Variants in LRMDA observed in about 807,000 individuals in gnomAD.
LRMDA encodes leucine-rich melanocyte differentiation-associated protein.
LRMDA carries 18 observed loss-of-function variants against 29.8 expected under a neutral mutation model. That is an observed-to-expected ratio of 0.60 (90% CI 0.42 to 0.90). LRMDA has a LOEUF of 0.90. Ranked by LOEUF, LRMDA falls within the 40% of genes least tolerant of loss-of-function variation. LRMDA has a pLI of 0.00. For synonymous variants in LRMDA, 125 were observed against 109.4 expected (o/e 1.14, Z -0.89); for missense variants, 273 against 273.9 (o/e 1.00, Z 0.02).
chr10:76,196,084 C>T (rs897553511), intron 5 of LRMDA, among the ~76,000 whole-genome samples: 1 of 152,114 alleles, frequency 6.6e-6, no homozygotes, highest in African/African-American at 2.4e-5. Context: ...ATTGTTGGCC[C>T]GAGGTGAGGC....
intron 5 of LRMDA, among the ~76,000 whole-genome samples, chr10:76,200,049 C>T (rs1281976659): frequency 1.3e-5 from 2 of 152,150 alleles, no homozygotes; most frequent in South Asian, 2.1e-4. Flanking sequence ...GCAGCCTTGA[C>T]CTCCCAGGCT....
intron 2 of LRMDA, among the ~76,000 whole-genome samples, chr10:75,784,100 A>G (rs1442804720): frequency 6.6e-6 from 1 of 152,206 alleles, no homozygotes; most frequent in East Asian, 1.9e-4. Context: ...CTGGGTTCAT[A>G]TGATTAAACT....
At chr10:76,410,298 CTTTTTTTTTTT>C (rs1172213249) in intron 6 of LRMDA, among the ~76,000 whole-genome samples, 6 of 66,544 alleles carry the variant, frequency 9.0e-5, no homozygotes, top group African/African-American at 1.2e-4. Flanking sequence ...CACTTTCTTT[CTTTTTTTTTTT>C]TTTTTTTTTT....
chr10:75,655,322 A>G lies in LRMDA; in HGVS notation c.131+216828A>G, dbSNP rs544148798. Among the ~76,000 whole-genome samples, 25 of 152,358 alleles carry G rather than the reference A, an allele frequency of 1.6e-4. No homozygotes were observed. In the South Asian group the frequency reaches 4.6e-3, roughly 28 times the overall value. ...AAGGATTTTGACATTTCTGAGATACATATCACTTCTAAACAGTGAAGCACA... is the reference window on the plus strand; with the variant it reads ...AAGGATTTTGACATTTCTGAGATACGTATCACTTCTAAACAGTGAAGCACA... On this transcript the variant is annotated intron_variant, in intron 2 of 6. Transcript: ENST00000611255.
intron 2 of LRMDA, among the ~76,000 whole-genome samples, chr10:75,582,725 T>A (rs542049806): frequency 6.6e-6 from 1 of 152,360 alleles, no homozygotes; most frequent in East Asian, 1.9e-4. Context: ...AATGGGCTTT[T>A]CTTTTTTACT....
At chr10:76,387,146 A>T (rs895663272) in intron 6 of LRMDA, among the ~76,000 whole-genome samples, 12 of 152,230 alleles carry the variant, frequency 7.9e-5, no homozygotes, top group Admixed American at 6.5e-5. Context: ...ATATTACTAC[A>T]AAAATATGGT....
chr10:75,690,380 T>C (rs1842130314), intron 2 of LRMDA, among the ~76,000 whole-genome samples: 1 of 152,136 alleles, frequency 6.6e-6, no homozygotes, highest in African/African-American at 2.4e-5. Context: ...TCATGGCTTA[T>C]TGCAGCCTCA....
intron 2 of LRMDA, among the ~76,000 whole-genome samples, chr10:75,853,466 G>GTGTGTGTGTGTGT (rs763225879): frequency 6.8e-6 from 1 of 147,758 alleles, no homozygotes; most frequent in South Asian, 2.2e-4. Flanking sequence ...GTGTGTGTGT[G>GTGTGTGTGTGTGT]GTCACATGCA....
intron 5 of LRMDA, among the ~76,000 whole-genome samples, chr10:76,123,248 C>A (rs1849819726): frequency 6.6e-6 from 1 of 151,812 alleles, no homozygotes; most frequent in Non-Finnish European, 1.5e-5. Context: ...GTGGCTCATA[C>A]CTATAATCCT....
chr10:76,406,542 C>T (rs1159342647), intron 6 of LRMDA, among the ~76,000 whole-genome samples: 1 of 152,124 alleles, frequency 6.6e-6, no homozygotes, highest in Non-Finnish European at 1.5e-5. Flanking sequence ...CTTTTGGTGG[C>T]ACAAAATGTT....
At chr10:75,714,726 T>C (rs963797056) in intron 2 of LRMDA, among the ~76,000 whole-genome samples, 2 of 152,334 alleles carry the variant, frequency 1.3e-5, no homozygotes, top group African/African-American at 4.8e-5. Flanking sequence ...TAATTGGCAA[T>C]TAATAACAAT....
chr10:75,504,527 A>T (rs1845149897), intron 2 of LRMDA, among the ~76,000 whole-genome samples: 2 of 152,200 alleles, frequency 1.3e-5, no homozygotes, highest in Non-Finnish European at 2.9e-5. Flanking sequence ...AAATGGAGAT[A>T]TTGTAAGACA....
intron 4 of LRMDA, among the ~76,000 whole-genome samples, chr10:76,055,225 G>A (rs1848595331): frequency 6.6e-6 from 1 of 152,084 alleles, no homozygotes; most frequent in Non-Finnish European, 1.5e-5. Context: ...ACAATAGACT[G>A]AGGCCAGGGA....
chr10:75,490,048 G>A (rs1005298966), intron 2 of LRMDA, among the ~76,000 whole-genome samples: 10 of 152,142 alleles, frequency 6.6e-5, no homozygotes, highest in African/African-American at 2.4e-4. Flanking sequence ...CCTGCTTTAT[G>A]TGGTTCATGT....
intron 2 of LRMDA, among the ~76,000 whole-genome samples, chr10:75,764,969 T>C (rs914029321): frequency 7.7e-6 from 1 of 129,528 alleles, no homozygotes; most frequent in Non-Finnish European, 1.6e-5. Context: ...GTGTGTGTGT[T>C]CATAGCATCT....
At chr10:75,441,255 C>T (rs928239413) in intron 2 of LRMDA, among the ~76,000 whole-genome samples, 11 of 152,176 alleles carry the variant, frequency 7.2e-5, no homozygotes, top group Non-Finnish European at 1.5e-4. Context: ...CTCTGCCCCT[C>T]ACTATATCCG....
chr10:76,472,175 T>C (rs901300756), intron 6 of LRMDA, among the ~76,000 whole-genome samples: 1 of 151,782 alleles, frequency 6.6e-6, no homozygotes, highest in Non-Finnish European at 1.5e-5. Context: ...TATTAGGCCA[T>C]AAAACAAGCC....
At chr10:76,495,445 A>C (rs887356053) in intron 6 of LRMDA, among the ~76,000 whole-genome samples, 17 of 151,846 alleles carry the variant, frequency 1.1e-4, no homozygotes, top group African/African-American at 3.9e-4. Flanking sequence ...TTGAGGAGAG[A>C]GATTTCTCCC....
chr10:75,649,067 T>C (rs980425219), intron 2 of LRMDA, among the ~76,000 whole-genome samples: 3 of 152,216 alleles, frequency 2.0e-5, no homozygotes, highest in Non-Finnish European at 4.4e-5. Flanking sequence ...TGCAGAACTT[T>C]GTTCATTTTG....
Sources: gnomAD v4.1 joint callset for allele counts (sites outside exome capture counted in the v4.1 genomes callset) on GRCh38, gnomAD v4.1.1 for gene constraint, MANE v1.5 for transcripts, NCBI Gene and HGNC (gene_info 2026-07-23, HGNC 2026-07-21) for gene names.